Variants in ERBB4 observed in about 807,000 individuals in gnomAD.
ERBB4 encodes receptor tyrosine-protein kinase erbB-4.
ERBB4 carries 42 observed loss-of-function variants against 158.0 expected under a neutral mutation model. The observed-to-expected ratio is 0.27, with a 90% CI of 0.21 to 0.34. The LOEUF (loss-of-function observed/expected upper bound fraction) is 0.34, where lower values mean the gene tolerates loss of function less well. Ranked by LOEUF, ERBB4 falls within the 10% of genes least tolerant of loss-of-function variation. ERBB4 has a pLI of 1.00. For missense variants in ERBB4, 1,333 were observed against 1,624.1 expected (o/e 0.82, Z 3.08); for synonymous variants, 583 against 558.7 (o/e 1.04, Z -0.61).
chr2:212,197,774 G>C (rs1456543343), intron 1 of ERBB4, among the ~76,000 whole-genome samples: 1 of 152,116 alleles, frequency 6.6e-6, no homozygotes, highest in Non-Finnish European at 1.5e-5. Context: ...CATTTTTGAA[G>C]GGTCTATGAA....
intron 3 of ERBB4, among the ~76,000 whole-genome samples, chr2:211,937,885 G>T (rs1344118938): frequency 6.6e-6 from 1 of 152,024 alleles, no homozygotes; most frequent in Non-Finnish European, 1.5e-5. Context: ...AATTTCAACA[G>T]ATACTTATAC....
chr2:212,179,912 T>G (rs1206557933), intron 1 of ERBB4, among the ~76,000 whole-genome samples: 2 of 151,668 alleles, frequency 1.3e-5, no homozygotes, highest in Non-Finnish European at 3.0e-5. Flanking sequence ...AAAGTGAAGC[T>G]AATGGCACAT....
intron 25 of ERBB4, among the ~76,000 whole-genome samples, chr2:211,412,956 A>G (rs1004713329): frequency 3.3e-5 from 5 of 151,050 alleles, no homozygotes; most frequent in Non-Finnish European, 7.4e-5. Flanking sequence ...GTCTCAAAAA[A>G]AAAAAAAAAG....
At chr2:211,710,266 T>C (rs2073644555) in intron 9 of ERBB4, among the ~76,000 whole-genome samples, 1 of 152,184 alleles carries the variant, frequency 6.6e-6, no homozygotes. Context: ...GGCTAATTCA[T>C]TTATTATTTC....
At chr2:212,187,988 G>C (rs1038504482) in intron 1 of ERBB4, among the ~76,000 whole-genome samples, 5 of 151,854 alleles carry the variant, frequency 3.3e-5, no homozygotes, top group Non-Finnish European at 7.4e-5. Context: ...AATATTATTT[G>C]GTGATATATC....
chr2:211,972,677 G>A (rs2081488186), intron 2 of ERBB4, among the ~76,000 whole-genome samples: 1 of 152,178 alleles, frequency 6.6e-6, no homozygotes, highest in African/African-American at 2.4e-5. Context: ...TTCAATAAAT[G>A]GTAGTGGGAT....
intron 1 of ERBB4, among the ~76,000 whole-genome samples, chr2:212,355,952 T>C (rs1318606153): frequency 8.6e-5 from 13 of 151,930 alleles, no homozygotes; most frequent in Non-Finnish European, 7.4e-5. Flanking sequence ...AAATTTGAAA[T>C]GTGCAGCTCA....
chr2:212,361,304 G>A (rs1443222870), intron 1 of ERBB4, among the ~76,000 whole-genome samples: 1 of 151,458 alleles, frequency 6.6e-6, no homozygotes, highest in Non-Finnish European at 1.5e-5. Flanking sequence ...TGCTTTCTTT[G>A]TCTAGACACC....
intron 1 of ERBB4, among the ~76,000 whole-genome samples, chr2:212,147,069 C>T (rs1036608647): frequency 4.3e-5 from 6 of 139,200 alleles, no homozygotes; most frequent in African/African-American, 1.6e-4. Context: ...TGGTTCACTG[C>T]AGCCTCCATC....
At chr2:211,484,508 T>C (rs2065157905) in intron 20 of ERBB4, among the ~76,000 whole-genome samples, 1 of 151,932 alleles carries the variant, frequency 6.6e-6, no homozygotes, top group Admixed American at 6.6e-5. Flanking sequence ...AGTAAAGGGA[T>C]GGAAAAAATT....
chr2:212,300,155 A>G (rs1037889822), intron 1 of ERBB4, among the ~76,000 whole-genome samples: 2 of 151,588 alleles, frequency 1.3e-5, no homozygotes, highest in Non-Finnish European at 3.0e-5. Context: ...AGGATTCATT[A>G]CTTTTGTGGT....
intron 1 of ERBB4, among the ~76,000 whole-genome samples, chr2:212,398,954 T>G (rs947055667): frequency 6.6e-6 from 1 of 152,134 alleles, no homozygotes; most frequent in Non-Finnish European, 1.5e-5. Flanking sequence ...TTTATTATTA[T>G]TATTTTTGAT....
chr2:212,125,721 C>T (rs58834228), intron 1 of ERBB4, among the ~76,000 whole-genome samples: 1 of 152,042 alleles, frequency 6.6e-6, no homozygotes, highest in South Asian at 2.1e-4. Context: ...CTTCTAGCTC[C>T]ATCCATGTCT....
At chr2:211,805,133 T>C (rs537095009) in intron 3 of ERBB4, among the ~76,000 whole-genome samples, 1 of 152,146 alleles carries the variant, frequency 6.6e-6, no homozygotes, top group East Asian at 1.9e-4. Context: ...TGGCCAGGCT[T>C]GTCTCAAACT....
intron 1 of ERBB4, among the ~76,000 whole-genome samples, chr2:212,389,162 A>G (rs1000752419): frequency 6.6e-6 from 1 of 152,110 alleles, no homozygotes; most frequent in East Asian, 1.9e-4. Flanking sequence ...AACATTAGCA[A>G]ACCCCTCTTA....
In ERBB4 at chr2:212,375,540, G is replaced by A. The variant is rs554784524; in HGVS notation, c.82+162909C>T. Among the ~76,000 whole-genome samples, 4 of 152,220 alleles carry A rather than the reference G, an allele frequency of 2.6e-5. No homozygotes were observed. The South Asian group carries it at 8.3e-4, about 32-fold the overall frequency. On this transcript the variant is annotated intron_variant, in intron 1 of 27. Transcript: ENST00000342788. Reference sequence around the variant, plus strand: ...CAAGTTGCTGGGCAACTACATATCTGAGAGTGTAAATGTGGATTATTACCT... The same window carrying A: ...CAAGTTGCTGGGCAACTACATATCTAAGAGTGTAAATGTGGATTATTACCT...
At chr2:211,922,515 C>T (rs77869516) in intron 3 of ERBB4, among the ~76,000 whole-genome samples, 3,693 of 152,088 alleles carry the variant, frequency 0.024, 65 homozygotes, top group South Asian at 0.051. Context: ...AATAAGAAAT[C>T]ACTGCACTTT....
At chr2:212,471,075 T>G (rs1379526733) in intron 1 of ERBB4, among the ~76,000 whole-genome samples, 1 of 151,942 alleles carries the variant, frequency 6.6e-6, no homozygotes, top group Non-Finnish European at 1.5e-5. Flanking sequence ...AACTCAAACA[T>G]GAGAGAGAAT....
At position 211,843,708 on chromosome 2, in the gene ERBB4, A is replaced by G. The variant is rs115461078; in HGVS notation, c.422-55549T>C. 2.8e-3 allele frequency among the ~76,000 whole-genome samples: 412 copies of G among 148,402 alleles called. 4 individuals carry two copies. Among genetic ancestry groups the G allele is most frequent in the Non-Finnish European group, 1.9e-3 (127 of 66,714 alleles). On this transcript the variant is annotated intron_variant, in intron 3 of 27. Transcript: ENST00000342788. ...ATGTGAAGTCTTAACTAGCAAAAAA[A>G]TATTTTAATGAGCTTTCATTGTTTT...
Sources: allele counts gnomAD v4.1 joint callset (sites outside exome capture counted in the v4.1 genomes callset), GRCh38; gene constraint gnomAD v4.1.1; transcripts MANE v1.5; gene names NCBI Gene and HGNC (gene_info 2026-07-23, HGNC 2026-07-21).